ATP6V0A1: variants seen among roughly 807,000 people sequenced by gnomAD.
ATP6V0A1 encodes ATPase H+ transporting V0 subunit a1, also known as V-type proton ATPase 116 kDa subunit a 1.
ATP6V0A1 carries 43 observed loss-of-function variants against 105.4 expected under a neutral mutation model. The observed-to-expected ratio is 0.41, with a 90% CI of 0.32 to 0.53. ATP6V0A1 has a LOEUF of 0.53. ATP6V0A1 is among the 20% of genes least tolerant of loss of function. The pLI is 0.30. For missense variants in ATP6V0A1, 676 were observed against 1,051.1 expected (o/e 0.64, Z 4.93); for synonymous variants, 362 against 372.8 (o/e 0.97, Z 0.33).
chr17:42,520,620 A>G (rs1481439075), intron 21 of ATP6V0A1: 3 of 458,290 alleles, frequency 6.5e-6, no homozygotes, highest in Non-Finnish European at 1.3e-5. Flanking sequence ...ACAAGCAAAC[A>G]GAGGTGCTTG....
chr17:42,468,817 G>A (rs1002914430), intron 4 of ATP6V0A1, among the ~76,000 whole-genome samples: 3 of 151,532 alleles, frequency 2.0e-5, no homozygotes, highest in South Asian at 2.1e-4. Context: ...TTGGTTTATC[G>A]AAACCTTATT....
In ATP6V0A1 at chr17:42,477,680, G is replaced by A. The variant is rs1051155465; in HGVS notation, c.444G>A (p.Leu148=). 1.2e-6 allele frequency: 2 copies of A among 1,613,676 alleles called. No homozygotes were observed. The highest frequency in any genetic ancestry group is 2.7e-5 in the African/African-American group (2 of 74,900). Residue 148 remains leucine, a synonymous_variant, in exon 6 of 22, where the codon TTG becomes TTA. Transcript: ENST00000343619. ...AGCAGATGGCGGATCCAGACTTGTT[G>A]GAAGAGTCCTCATCCCTCTTGGAGC... ...FFDEMADPDL[L]EESSSLLEPS...
At chr17:42,498,236 C>CAATAAATA (rs570097007) in intron 14 of ATP6V0A1, among the ~76,000 whole-genome samples, 1 of 152,006 alleles carries the variant, frequency 6.6e-6, no homozygotes, top group Admixed American at 6.6e-5. Flanking sequence ...AATTCCATCT[C>CAATAAATA]AATAAATAAA....
At chr17:42,472,984 A>G (rs2145758153) in intron 5 of ATP6V0A1, among the ~76,000 whole-genome samples, 1 of 152,330 alleles carries the variant, frequency 6.6e-6, no homozygotes, top group African/African-American at 2.4e-5. Flanking sequence ...GGGCTAGAGA[A>G]GGTCTGCTGA....
rs1364427275 is a variant in ATP6V0A1, at chr17:42,470,237, T to C, written c.423+19T>C. 1.5e-5 allele frequency: 24 copies of C among 1,610,838 alleles called. No homozygotes were observed. The highest frequency in any genetic ancestry group is 2.2e-5 in the East Asian group (1 of 44,752). The stretch of plus-strand genomic sequence containing the variant: ...TGATGAGGTCAGACTATTGTTTCTT[T>C]TAGTATTTGAGCAGCTGATATTATA... On this transcript the variant is annotated intron_variant, in intron 5 of 21. Transcript: ENST00000343619.
At chr17:42,470,068 T>C (rs369885819) in intron 4 of ATP6V0A1, 22 bp from the exon 5 acceptor site, 7 of 1,576,376 alleles carry the variant, frequency 4.4e-6, no homozygotes, top group Non-Finnish European at 6.0e-6. Context: ...CTTAGCTTAA[T>C]ATATTTTCTT....
intron 21 of ATP6V0A1, among the ~76,000 whole-genome samples, chr17:42,515,723 G>A (rs975140625): frequency 3.3e-5 from 5 of 152,200 alleles, no homozygotes; most frequent in African/African-American, 1.2e-4. Context: ...AGGAAGTGGA[G>A]GTTGCATTGA....
Position 42,460,926 on chromosome 17 carries a change from C to T in ATP6V0A1, c.32C>T (p.Thr11Ile). Residue 11 changes from threonine (T) to isoleucine (I), a missense_variant, in exon 2 of 22, where the codon ACA becomes ATA. Physicochemically the swap from Thr to Ile is moderately conservative, Grantham distance 89. Around this residue, in one of 3 missense-constraint regions of ATP6V0A1, gnomAD observed 239 missense variants for 388.4 expected, o/e 0.62. Coordinates refer to ENST00000343619, the MANE Select transcript of ATP6V0A1 (RefSeq NM_001130021.3). Reference protein sequence around the residue: MGELFRSEEMTLAQLFLQSEA... With the variant: MGELFRSEEMILAQLFLQSEA... ...GAGCTTTTCCGGAGTGAAGAAATGACACTGGCCCAGCTTTTTCTACAGTCA... is the reference window on the plus strand; with the variant it reads ...GAGCTTTTCCGGAGTGAAGAAATGATACTGGCCCAGCTTTTTCTACAGTCA... The T allele has an allele frequency of 6.2e-7, 1 of 1,614,056 alleles. No individual in the cohort carries two copies. Among genetic ancestry groups the T allele is most frequent in the Non-Finnish European group, 8.5e-7 (1 of 1,179,958 alleles).
intron 2 of ATP6V0A1, among the ~76,000 whole-genome samples, chr17:42,464,958 A>G (rs2086863154): frequency 6.6e-6 from 1 of 151,804 alleles, no homozygotes; most frequent in African/African-American, 2.4e-5. Context: ...CTTCTTCTCT[A>G]TTAGATTGCA....
chr17:42,470,754 G>C (rs2087785213), intron 5 of ATP6V0A1: 3 of 154,696 alleles, frequency 1.9e-5, no homozygotes, highest in African/African-American at 4.8e-5. Flanking sequence ...ATGCTTGTTT[G>C]AAACTTCTGG....
chr17:42,500,859 A>G lies in ATP6V0A1; in HGVS notation c.1832A>G (p.His611Arg). The G allele has an allele frequency of 6.2e-7, 1 of 1,614,130 alleles. No homozygotes were observed. Reference sequence around the variant, plus strand: ...GAGAATGCACCAAGCCTTCTGATCCATTTCATAAACATGTTCCTCTTTTCC... The same window carrying G: ...GAGAATGCACCAAGCCTTCTGATCCGTTTCATAAACATGTTCCTCTTTTCC... Reference protein sequence around the residue: ...TSENAPSLLIHFINMFLFSYP... With the variant: ...TSENAPSLLIRFINMFLFSYP... The change falls in exon 16 of 22, where the codon CAT becomes CGT. Residue 611 changes from histidine to arginine, a missense_variant. This residue lies in a region of ATP6V0A1 where 435 missense variants were observed against 642.2 expected (regional missense o/e 0.68). Transcript: ENST00000343619.
chr17:42,494,068 C>T (rs2090923318), intron 11 of ATP6V0A1, among the ~76,000 whole-genome samples: 1 of 151,976 alleles, frequency 6.6e-6, no homozygotes, highest in African/African-American at 2.4e-5. Flanking sequence ...CATGGTGAAA[C>T]CCTGTCTCTA....
At chr17:42,495,603 T>A in intron 13 of ATP6V0A1, 23 bp from the exon 14 acceptor site, 3 of 1,573,376 alleles carry the variant, frequency 1.9e-6, no homozygotes, top group Non-Finnish European at 2.6e-6. Context: ...AAAAATAATG[T>A]GACTTTTTCC....
chr17:42,478,356 A>G lies in ATP6V0A1; in HGVS notation c.507-107A>G, dbSNP rs560848661. The stretch of plus-strand genomic sequence containing the variant: ...GCACATGTACCCTAGAACTTAAAGT[A>G]TAATAAAAAAAGATATATATATAAA... On this transcript the variant is annotated intron_variant, in intron 6 of 21. Transcript: ENST00000343619. 1.3e-5 allele frequency: 10 copies of G among 779,672 alleles called. No individual in the cohort carries two copies. In the East Asian group the frequency reaches 4.3e-4, roughly 33 times the overall value. 48.3% of individuals were successfully genotyped at this position (779,672 alleles called of 1,614,324 possible).
At chr17:42,481,894 T>C (rs2089554557) in intron 8 of ATP6V0A1, among the ~76,000 whole-genome samples, 1 of 152,112 alleles carries the variant, frequency 6.6e-6, no homozygotes, top group Non-Finnish European at 1.5e-5. Flanking sequence ...CAGGCTGGAG[T>C]GCAGTGGCAC....
intron 15 of ATP6V0A1, 74 bp downstream of exon 15, chr17:42,499,116 C>T: frequency 9.1e-7 from 1 of 1,101,676 alleles, no homozygotes; most frequent in South Asian, 1.4e-5. Flanking sequence ...ATCATGACAT[C>T]TTTGGGGAGG....
At chr17:42,459,581 GTTGGAGGC>G (rs1451938593) in intron 1 of ATP6V0A1, among the ~76,000 whole-genome samples, 3 of 152,194 alleles carry the variant, frequency 2.0e-5, no homozygotes, top group African/African-American at 7.2e-5. Flanking sequence ...GAGGCGACTC[GTTGGAGGC>G]TTATCATTAT....
chr17:42,491,838 C>T (rs1167875285), intron 11 of ATP6V0A1, among the ~76,000 whole-genome samples: 3 of 151,184 alleles, frequency 2.0e-5, no homozygotes, highest in Admixed American at 6.6e-5. Context: ...AGGATGGTCT[C>T]GATCTCCTGA....
At chr17:42,486,625 C>A (rs2145921619) in intron 9 of ATP6V0A1, among the ~76,000 whole-genome samples, 1 of 152,260 alleles carries the variant, frequency 6.6e-6, no homozygotes, top group Middle Eastern at 3.4e-3. Flanking sequence ...ATGTGGCAGT[C>A]CAAGCCCCCT....
Sources: gnomAD v4.1 joint callset for allele counts (sites outside exome capture counted in the v4.1 genomes callset) on GRCh38, gnomAD v4.1.1 for gene constraint, gnomAD v4.1.1 regional missense constraint, MANE v1.5 for transcripts, NCBI Gene and HGNC (gene_info 2026-07-23, HGNC 2026-07-21) for gene names.